MSRB3: variants seen among roughly 807,000 people sequenced by gnomAD.
MSRB3 encodes methionine-R-sulfoxide reductase B3.
In MSRB3, 13 loss-of-function variants were observed where a neutral mutation model predicts 21.0. The ratio of observed to expected loss-of-function variants is 0.62; its 90% CI spans 0.40 to 0.98. The LOEUF (loss-of-function observed/expected upper bound fraction) is 0.98. MSRB3 is among the 50% of genes least tolerant of loss of function. The pLI is 0.00. For synonymous variants in MSRB3, 87 were observed against 88.6 expected (o/e 0.98, Z 0.10); for missense variants, 199 against 230.3 (o/e 0.86, Z 0.88).
At chr12:65,461,367 G>C (rs184351919) in intron 6 of MSRB3, among the ~76,000 whole-genome samples, 59 of 152,304 alleles carry the variant, frequency 3.9e-4, no homozygotes, top group Admixed American at 3.5e-3. Context: ...TGTCAGCCTT[G>C]ATATTACCTA....
intron 5 of MSRB3, among the ~76,000 whole-genome samples, chr12:65,395,727 T>C (rs1033434831): frequency 6.6e-6 from 1 of 152,200 alleles, no homozygotes; most frequent in African/African-American, 2.4e-5. Context: ...TCTTCTTGTG[T>C]GAGTTGGATA....
At chr12:65,435,560 A>C (rs1238299100) in intron 5 of MSRB3, among the ~76,000 whole-genome samples, 2 of 151,930 alleles carry the variant, frequency 1.3e-5, no homozygotes, top group African/African-American at 4.8e-5. Context: ...GTAGTACATC[A>C]AGTTTCTTAA....
intron 4 of MSRB3, among the ~76,000 whole-genome samples, chr12:65,351,283 T>C (rs1876968024): frequency 6.7e-6 from 1 of 149,314 alleles, no homozygotes; most frequent in South Asian, 2.1e-4. Flanking sequence ...AGACACAACA[T>C]ACCAGAATCT....
At chr12:65,360,522 A>G (rs1877639824) in intron 4 of MSRB3, among the ~76,000 whole-genome samples, 1 of 152,116 alleles carries the variant, frequency 6.6e-6, no homozygotes, top group Non-Finnish European at 1.5e-5. Flanking sequence ...TTATTTTTTC[A>G]GCATTCTCTA....
chr12:65,412,047 T>G (rs996221490), intron 5 of MSRB3, among the ~76,000 whole-genome samples: 1 of 152,140 alleles, frequency 6.6e-6, no homozygotes, highest in African/African-American at 2.4e-5. Context: ...GCTGTGTTCA[T>G]GAGACCGCAC....
rs118103990 is a variant in MSRB3, at chr12:65,421,232, T to C, written c.293-32496T>C. ...AATGATCAGCACTATTGACCTTTTT[T>C]TCATGCTTGTTGACCACATACATGT... On this transcript the variant is annotated intron_variant, in intron 5 of 6. Transcript: ENST00000308259. 1.0e-3 allele frequency among the ~76,000 whole-genome samples: 155 copies of C among 149,722 alleles called. No individual in the cohort carries two copies. In the East Asian group the frequency reaches 0.025, roughly 24 times the overall value.
At chr12:65,305,909 A>G (rs1191099550) in intron 1 of MSRB3, among the ~76,000 whole-genome samples, 1 of 152,254 alleles carries the variant, frequency 6.6e-6, no homozygotes, top group African/African-American at 2.4e-5. Flanking sequence ...TCATGCATTT[A>G]AAACTAGCAA....
At chr12:65,289,754 T>G (rs1872573412) in intron 1 of MSRB3, among the ~76,000 whole-genome samples, 1 of 152,188 alleles carries the variant, frequency 6.6e-6, no homozygotes, top group Non-Finnish European at 1.5e-5. Flanking sequence ...TATATCCATG[T>G]GTACTAGATG....
intron 2 of MSRB3, among the ~76,000 whole-genome samples, chr12:65,311,693 C>T (rs2136427568): frequency 6.6e-6 from 1 of 152,072 alleles, no homozygotes; most frequent in Non-Finnish European, 1.5e-5. Flanking sequence ...CTGGTCAAAA[C>T]CCATTACAAC....
rs1875467573 is a variant in MSRB3, at chr12:65,332,180, T to G, written c.263+3577T>G. The stretch of plus-strand genomic sequence containing the variant: ...TTAATATCAAAATTCTTTTAGGGGT[T>G]CAGGAGCAAAAGTTTCAAAACCACT... On this transcript the variant is annotated intron_variant, in intron 4 of 6. Coordinates refer to ENST00000308259, the MANE Select transcript of MSRB3 (RefSeq NM_001031679.3). Among the ~76,000 whole-genome samples, 4 of 152,186 alleles carry G rather than the reference T, an allele frequency of 2.6e-5. No homozygotes were observed. In the South Asian group the frequency reaches 8.3e-4, roughly 32 times the overall value.
intron 5 of MSRB3, among the ~76,000 whole-genome samples, chr12:65,388,380 G>A (rs1443668551): frequency 6.6e-6 from 1 of 152,016 alleles, no homozygotes; most frequent in Non-Finnish European, 1.5e-5. Context: ...AACAGGATCC[G>A]GAGTTCAGCT....
intron 1 of MSRB3, among the ~76,000 whole-genome samples, chr12:65,303,358 G>T (rs1412407707): frequency 6.6e-6 from 1 of 152,034 alleles, no homozygotes; most frequent in Non-Finnish European, 1.5e-5. Flanking sequence ...TCAAATTTTT[G>T]GATGTTAGAA....
intron 4 of MSRB3, among the ~76,000 whole-genome samples, chr12:65,333,009 A>T (rs906142603): frequency 2.6e-5 from 4 of 152,234 alleles, no homozygotes; most frequent in Admixed American, 2.6e-4. Flanking sequence ...TAGTAAATTA[A>T]CTGACAGAAG....
At chr12:65,345,806 C>T (rs1876458526) in intron 4 of MSRB3, among the ~76,000 whole-genome samples, 1 of 152,052 alleles carries the variant, frequency 6.6e-6, no homozygotes, top group Non-Finnish European at 1.5e-5. Context: ...TGTTCAATTC[C>T]CACCTATGAG....
Position 65,365,954 on chromosome 12 carries a change from T to G in MSRB3, c.264-3044T>G, listed in dbSNP as rs78790923. 2.3e-4 allele frequency among the ~76,000 whole-genome samples: 35 copies of G among 152,256 alleles called. No individual in the cohort carries two copies. In the East Asian group the frequency reaches 6.6e-3, roughly 29 times the overall value. On this transcript the variant is annotated intron_variant, in intron 4 of 6. Coordinates refer to ENST00000308259, the MANE Select transcript of MSRB3 (RefSeq NM_001031679.3). ...ATGGAATCTGTAGATAAATACCTCC[T>G]TTCTCTTGCTCTTTTTTGGGGGAGG...
intron 5 of MSRB3, among the ~76,000 whole-genome samples, chr12:65,428,502 C>G (rs1881717199): frequency 1.3e-5 from 2 of 152,156 alleles, no homozygotes; most frequent in Non-Finnish European, 2.9e-5. Flanking sequence ...ACCAATTCAA[C>G]ACTTGCTCTA....
rs980436757 is a variant in MSRB3, at chr12:65,465,742, T to A, written c.*2420T>A. The A allele has an allele frequency of 6.6e-6, 1 of 152,134 alleles. No homozygotes were observed. Among genetic ancestry groups the A allele is most frequent in the African/African-American group, 2.4e-5 (1 of 41,412 alleles). 9.4% of individuals were successfully genotyped at this position (152,134 alleles called of 1,614,324 possible). A position where few individuals can be genotyped will look rare whatever the true frequency, so the allele number is the denominator to read the frequency against. On this transcript the variant is annotated 3_prime_UTR_variant, in exon 7 of 7. Coordinates refer to ENST00000308259, the MANE Select transcript of MSRB3 (RefSeq NM_001031679.3). ...CACTCTGGAATTCGTAGGCTTCACGTCTCTCTAGAAATGACGTGTAAAATT... is the reference window on the plus strand; with the variant it reads ...CACTCTGGAATTCGTAGGCTTCACGACTCTCTAGAAATGACGTGTAAAATT...
chr12:65,298,114 C>T (rs1414853635), intron 1 of MSRB3, among the ~76,000 whole-genome samples: 3 of 152,086 alleles, frequency 2.0e-5, no homozygotes, highest in African/African-American at 4.8e-5. Context: ...AGCAATCCTC[C>T]CGCCTCAGCG....
At chr12:65,351,073 C>T (rs1307262266) in intron 4 of MSRB3, among the ~76,000 whole-genome samples, 1 of 152,084 alleles carries the variant, frequency 6.6e-6, no homozygotes, top group African/African-American at 2.4e-5. Context: ...TAAAGCTCTC[C>T]TCAGCAAATG....
Sources: gnomAD v4.1 joint callset for allele counts (sites outside exome capture counted in the v4.1 genomes callset) on GRCh38, gnomAD v4.1.1 for gene constraint, MANE v1.5 for transcripts, NCBI Gene and HGNC (gene_info 2026-07-23, HGNC 2026-07-21) for gene names.